Variants in RALYL observed in about 807,000 individuals in gnomAD.
RALYL encodes RALY RNA binding protein like, also known as RNA-binding Raly-like protein.
In RALYL, 29 loss-of-function variants were observed where a neutral mutation model predicts 35.1. The ratio of observed to expected loss-of-function variants is 0.83; its 90% confidence interval spans 0.61 to 1.13. RALYL has a LOEUF of 1.13. Among genes scored for constraint, RALYL ranks in the 50% most tolerant of loss-of-function variants. RALYL has a pLI of 0.00. For synonymous variants in RALYL, 120 were observed against 127.6 expected (o/e 0.94, Z 0.40); for missense variants, 359 against 360.4 (o/e 1.00, Z 0.03).
chr8:84,268,802 C>G (rs866377043), intron 1 of RALYL, among the ~76,000 whole-genome samples: 1 of 152,080 alleles, frequency 6.6e-6, no homozygotes, highest in African/African-American at 2.4e-5. Flanking sequence ...CTGCATGGGT[C>G]TTTTGGTATC....
At chr8:84,302,661 G>A (rs73296717) in intron 1 of RALYL, among the ~76,000 whole-genome samples, 7,049 of 152,238 alleles carry the variant, frequency 0.046, 263 homozygotes, top group African/African-American at 0.083. Context: ...GTAGTAGGCA[G>A]AGGAGTGAGA....
chr8:84,911,951 C>T (rs540940481), intron 8 of RALYL, among the ~76,000 whole-genome samples: 6 of 152,182 alleles, frequency 3.9e-5, no homozygotes, highest in Non-Finnish European at 8.8e-5. Context: ...AGTTGGTATG[C>T]ACCCTCCTCC....
chr8:84,437,855 A>G (rs763918914), intron 1 of RALYL, among the ~76,000 whole-genome samples: 19 of 151,984 alleles, frequency 1.3e-4, no homozygotes, highest in Admixed American at 7.2e-4. Context: ...GCCTTTCACC[A>G]TGATTGTAAG....
At chr8:84,896,320 A>C (rs1844737999) in intron 8 of RALYL, among the ~76,000 whole-genome samples, 1 of 152,118 alleles carries the variant, frequency 6.6e-6, no homozygotes, top group Admixed American at 6.6e-5. Flanking sequence ...ACACAGCCTA[A>C]AGCCTGAACC....
intron 8 of RALYL, among the ~76,000 whole-genome samples, chr8:84,917,532 G>A (rs1182004610): frequency 6.6e-6 from 1 of 150,638 alleles, no homozygotes; most frequent in East Asian, 1.9e-4. Flanking sequence ...ATTGGCTGTA[G>A]TCACCCTGTT....
At chr8:84,367,333 T>TTTG (rs1563800162) in intron 1 of RALYL, among the ~76,000 whole-genome samples, 12 of 27,826 alleles carry the variant, frequency 4.3e-4, no homozygotes, top group Non-Finnish European at 7.4e-4. Context: ...TTTTTTTTTT[T>TTTG]TTTTTTTTTT....
chr8:84,217,848 T>C (rs1186690841), intron 1 of RALYL, among the ~76,000 whole-genome samples: 1 of 152,138 alleles, frequency 6.6e-6, no homozygotes, highest in African/African-American at 2.4e-5. Context: ...CACAAACTAG[T>C]TCTCCTCATT....
At chr8:84,671,312 C>G (rs1833181195) in intron 2 of RALYL, among the ~76,000 whole-genome samples, 1 of 152,130 alleles carries the variant, frequency 6.6e-6, no homozygotes, top group South Asian at 2.1e-4. Context: ...GTGTCTTTTC[C>G]AGGTACACAG....
chr8:84,265,481 C>T (rs944011913), intron 1 of RALYL, among the ~76,000 whole-genome samples: 1 of 152,138 alleles, frequency 6.6e-6, no homozygotes, highest in Non-Finnish European at 1.5e-5. Context: ...AGGCCCTCAG[C>T]TGACAGCCAG....
chr8:84,388,430 A>G (rs968020975), intron 1 of RALYL, among the ~76,000 whole-genome samples: 3 of 152,168 alleles, frequency 2.0e-5, no homozygotes, highest in African/African-American at 7.2e-5. Context: ...TGACTTCCAC[A>G]ATGGTTGAAC....
At chr8:84,303,372 C>G (rs1841185367) in intron 1 of RALYL, among the ~76,000 whole-genome samples, 1 of 152,116 alleles carries the variant, frequency 6.6e-6, no homozygotes, top group African/African-American at 2.4e-5. Context: ...CTACAAAAAA[C>G]ATTTCCAGAT....
intron 1 of RALYL, among the ~76,000 whole-genome samples, chr8:84,476,058 T>C: frequency 6.6e-6 from 1 of 152,170 alleles, no homozygotes; most frequent in Non-Finnish European, 1.5e-5. Flanking sequence ...ATGAAATGGA[T>C]ACAGTCCTTG....
chr8:84,754,167 C>G lies in RALYL; in HGVS notation c.257-20412C>G, dbSNP rs201689043. Among the ~76,000 whole-genome samples, 19 of 151,960 alleles carry G rather than the reference C, an allele frequency of 1.3e-4. No individual in the cohort carries two copies. In the East Asian group the frequency reaches 2.5e-3, roughly 20 times the overall value. ...AATTAGATCCCATTTGTCAATTTTG[C>G]CTTTTGTTGCCATTGCTTTTGGTGT... On this transcript the variant is annotated intron_variant, in intron 2 of 8. Coordinates refer to ENST00000521268, the MANE Select transcript of RALYL (RefSeq NM_173848.7).
chr8:84,254,904 C>T (rs564344313), intron 1 of RALYL, among the ~76,000 whole-genome samples: 5 of 152,092 alleles, frequency 3.3e-5, no homozygotes, highest in South Asian at 2.1e-4. Flanking sequence ...ACCAAACAAT[C>T]ATAAAACCAT....
At chr8:84,859,930 T>C (rs562630078) in intron 5 of RALYL, among the ~76,000 whole-genome samples, 3 of 152,264 alleles carry the variant, frequency 2.0e-5, no homozygotes, top group African/African-American at 4.8e-5. Flanking sequence ...CCACTCACCA[T>C]AGGAATTTAT....
At chr8:84,414,433 G>T (rs2044413978) in intron 1 of RALYL, among the ~76,000 whole-genome samples, 1 of 151,956 alleles carries the variant, frequency 6.6e-6, no homozygotes, top group Non-Finnish European at 1.5e-5. Flanking sequence ...AAACATTTTT[G>T]GTTTCTATAA....
chr8:84,285,408 A>C (rs1304702662), intron 1 of RALYL, among the ~76,000 whole-genome samples: 1 of 152,210 alleles, frequency 6.6e-6, no homozygotes, highest in African/African-American at 2.4e-5. Context: ...AATTGTTAGT[A>C]AGATATGCAC....
intron 2 of RALYL, among the ~76,000 whole-genome samples, chr8:84,598,209 C>G (rs924384801): frequency 6.6e-6 from 1 of 152,156 alleles, no homozygotes; most frequent in African/African-American, 2.4e-5. Context: ...CTCTCTCACC[C>G]AACCTGGGTT....
At chr8:84,428,489 T>C (rs146829581) in intron 1 of RALYL, among the ~76,000 whole-genome samples, 1 of 152,316 alleles carries the variant, frequency 6.6e-6, no homozygotes, top group East Asian at 1.9e-4. Context: ...AATGGCTCAA[T>C]GTAAAAGGCA....
Sources: allele counts gnomAD v4.1 joint callset (sites outside exome capture counted in the v4.1 genomes callset), GRCh38; gene constraint gnomAD v4.1.1; transcripts MANE v1.5; gene names NCBI Gene and HGNC (gene_info 2026-07-23, HGNC 2026-07-21).